TG: variants seen among roughly 807,000 people sequenced by gnomAD.
The protein encoded by TG is thyroglobulin.
A neutral mutation model predicts 324.7 loss-of-function variants in TG; 270 were observed. The ratio of observed to expected loss-of-function variants is 0.83; its 90% CI spans 0.75 to 0.92. The LOEUF (loss-of-function observed/expected upper bound fraction) is 0.92. Ranked by LOEUF, TG falls within the 40% of genes least tolerant of loss-of-function variation. The pLI is 0.00. For missense variants in TG, 3,591 were observed against 3,456.4 expected (o/e 1.04, Z -0.98); for synonymous variants, 1,401 against 1,327.0 (o/e 1.06, Z -1.21).
intron 11 of TG, among the ~76,000 whole-genome samples, chr8:132,896,393 T>A (rs140615396): frequency 6.6e-6 from 1 of 152,134 alleles, no homozygotes; most frequent in Non-Finnish European, 1.5e-5. Context: ...ATCTGCAAGC[T>A]CTCTCGTCTG....
intron 35 of TG, among the ~76,000 whole-genome samples, chr8:133,011,166 C>A (rs1362954208): frequency 2.0e-5 from 3 of 152,234 alleles, no homozygotes; most frequent in African/African-American, 7.2e-5. Flanking sequence ...AAATGATGGC[C>A]CCACTGATCT....
chr8:132,956,799 C>G (rs990327422), intron 27 of TG, among the ~76,000 whole-genome samples: 9 of 152,152 alleles, frequency 5.9e-5, no homozygotes, highest in Admixed American at 5.9e-4. Context: ...GGGCCAAGGT[C>G]AAAGCCTGGG....
At chr8:132,945,845 A>G (rs1443011396) in intron 26 of TG, among the ~76,000 whole-genome samples, 1 of 152,186 alleles carries the variant, frequency 6.6e-6, no homozygotes, top group Non-Finnish European at 1.5e-5. Context: ...TGAGAGTTCA[A>G]ACAAGGTGAT....
chr8:132,987,488 T>C (rs1010385282), intron 35 of TG, among the ~76,000 whole-genome samples: 1 of 152,202 alleles, frequency 6.6e-6, no homozygotes, highest in African/African-American at 2.4e-5. Context: ...TTATAAATCA[T>C]ATAATATTCA....
intron 43 of TG, among the ~76,000 whole-genome samples, chr8:133,108,151 T>A (rs1305958147): frequency 6.6e-6 from 1 of 151,658 alleles, no homozygotes; most frequent in East Asian, 1.9e-4. Context: ...CTGGCTATTT[T>A]TTTTTTTCGT....
intron 35 of TG, among the ~76,000 whole-genome samples, chr8:132,985,722 C>A (rs1306311752): frequency 6.6e-6 from 1 of 152,112 alleles, no homozygotes. Context: ...TCATCAAAGG[C>A]CTGGGGAGCT....
chr8:133,001,299 G>A (rs1250245391), intron 35 of TG, among the ~76,000 whole-genome samples: 1 of 152,142 alleles, frequency 6.6e-6, no homozygotes, highest in South Asian at 2.1e-4. Flanking sequence ...TCGAAGATAA[G>A]AGTGTGCTCA....
chr8:132,983,651 A>G (rs1343461325), intron 35 of TG: 13 of 593,640 alleles, frequency 2.2e-5, no homozygotes, highest in Non-Finnish European at 3.9e-5. Context: ...TGGCTGATTG[A>G]AGCAGAGTAA....
At chr8:132,936,180 A>G (rs1823555409) in intron 25 of TG, among the ~76,000 whole-genome samples, 1 of 152,260 alleles carries the variant, frequency 6.6e-6, no homozygotes, top group Non-Finnish European at 1.5e-5. Context: ...CAGAGTGGAC[A>G]CAAAGCTACG....
In TG at chr8:132,888,680, T is replaced by C. The variant is rs1013432238; in HGVS notation, c.2761+112T>C. ...GTGGGAGGGTATTGAGTGTCAAAGC[T>C]GGAATGGAGTTTAGAGATGGCTGAG... is the stretch of plus-strand genomic sequence containing the variant. On this transcript the variant is annotated intron_variant, in intron 10 of 47. Coordinates refer to ENST00000220616, the MANE Select transcript of TG (RefSeq NM_003235.5). 19 of 1,176,490 alleles carry C rather than the reference T, an allele frequency of 1.6e-5. No homozygotes were observed. The African/African-American group carries it at 2.3e-4, about 14-fold the overall frequency. 72.9% of individuals were successfully genotyped at this position (1,176,490 alleles called of 1,614,324 possible). A position where few individuals can be genotyped will look rare whatever the true frequency, so the allele number is the denominator to read the frequency against.
intron 41 of TG, chr8:133,038,694 C>G (rs1318175939): frequency 1.2e-6 from 2 of 1,614,010 alleles, no homozygotes; most frequent in African/African-American, 1.3e-5. Context: ...AGGGACTCGT[C>G]TACCCCAAGC....
In TG at chr8:132,887,484, C is replaced by G; in HGVS notation, c.2112C>G (p.Tyr704Ter). 6.2e-7 allele frequency: 1 copy of G among 1,614,170 alleles called. No individual in the cohort carries two copies. The highest frequency in any genetic ancestry group is 8.5e-7 in the Non-Finnish European group (1 of 1,180,040). ...LPVQCFNSEC[Y>*]CVDAEGQAIP... ...TCCAGTGCTTCAACTCAGAGTGCTA[C>G]TGTGTTGATGCTGAGGGTCAGGCCA... Residue 704 changes from tyrosine (Y) to a stop codon, truncating the protein, a stop_gained, in exon 9 of 48, where the codon TAC (tyrosine) becomes TAG (stop). Transcript: ENST00000220616. LOFTEE classifies it high-confidence loss of function.
Position 132,966,845 on chromosome 8 carries a change from A to G in TG, c.5686+148A>G. 3 of 968,796 alleles carry G rather than the reference A, an allele frequency of 3.1e-6. No homozygotes were observed. The South Asian group carries it at 4.1e-5, about 13-fold the overall frequency. 60.0% of individuals were successfully genotyped at this position (968,796 alleles called of 1,614,324 possible). A position where few individuals can be genotyped will look rare whatever the true frequency, so the allele number is the denominator to read the frequency against. On this transcript the variant is annotated intron_variant, in intron 30 of 47. Coordinates refer to ENST00000220616, the MANE Select transcript of TG (RefSeq NM_003235.5). ...GTGGATGATATAAAAGAAAGATAGC[A>G]CATAACCCATATCTTCAAGAAGGTT...
At chr8:133,122,491 C>T (rs2131808023) in intron 45 of TG, among the ~76,000 whole-genome samples, 1 of 152,292 alleles carries the variant, frequency 6.6e-6, no homozygotes, top group Non-Finnish European at 1.5e-5. Context: ...TGCCCTCTCT[C>T]CAGCTTTCTT....
At chr8:133,117,782 C>T (rs936321100) in intron 45 of TG, among the ~76,000 whole-genome samples, 8 of 152,218 alleles carry the variant, frequency 5.3e-5, no homozygotes, top group African/African-American at 1.9e-4. Context: ...GAACATTCAT[C>T]ACTCACATCC....
rs146555814 is a variant in TG, at chr8:132,973,942, C to T, written c.6199+1201C>T. 3.6e-3 allele frequency among the ~76,000 whole-genome samples: 540 copies of T among 149,520 alleles called. 5 individuals are homozygous for T. Among genetic ancestry groups the T allele is most frequent in the African/African-American group, 0.012 (504 of 40,434 alleles). ...AAAATAGAGCCATGGACTGTCTGAT[C>T]TGGAAATGTGGAAGGGGTCTTCGAG... is the stretch of plus-strand genomic sequence containing the variant. On this transcript the variant is annotated intron_variant, in intron 34 of 47. Transcript: ENST00000220616.
intron 35 of TG, among the ~76,000 whole-genome samples, chr8:132,996,275 A>G (rs1457255146): frequency 6.6e-6 from 1 of 152,246 alleles, no homozygotes; most frequent in African/African-American, 2.4e-5. Flanking sequence ...TCAGCTTCCC[A>G]TTATTTGCTT....
intron 22 of TG, among the ~76,000 whole-genome samples, chr8:132,923,756 A>G (rs1563960370): frequency 6.6e-6 from 1 of 152,060 alleles, no homozygotes; most frequent in Non-Finnish European, 1.5e-5. Flanking sequence ...GATATCAGGA[A>G]CCCTTACTTC....
At chr8:133,047,962 T>C in intron 41 of TG, 1 of 1,417,592 alleles carries the variant, frequency 7.1e-7, no homozygotes, top group Admixed American at 1.7e-5. Context: ...GCCATTAGGA[T>C]CCGGAACAAG....
Sources: gnomAD v4.1 joint callset for allele counts (sites outside exome capture counted in the v4.1 genomes callset) on GRCh38, gnomAD v4.1.1 for gene constraint, MANE v1.5 for transcripts, NCBI Gene and HGNC (gene_info 2026-07-23, HGNC 2026-07-21) for gene names.